Variants in CYYR1 observed in about 807,000 individuals in gnomAD.
CYYR1 encodes the protein cysteine and tyrosine rich 1, also known as cysteine and tyrosine-rich protein 1.
CYYR1 carries 14 observed loss-of-function variants against 15.2 expected under a neutral mutation model. That is an observed-to-expected ratio of 0.92 (90% CI 0.61 to 1.44). CYYR1 has a LOEUF of 1.44. CYYR1 is among the 40% of genes most tolerant of loss of function. CYYR1 has a pLI of 0.00. For missense variants in CYYR1, 228 were observed against 209.5 expected, an observed-to-expected ratio of 1.09 and a Z score of -0.54; for synonymous variants, 80 against 77.4, an observed-to-expected ratio of 1.03 and a Z score of -0.18.
At chr21:26,550,474 A>G (rs1979307250) in intron 2 of CYYR1, 1 of 152,248 alleles carries the variant, frequency 6.6e-6, no homozygotes, top group East Asian at 1.9e-4. Flanking sequence ...AGGCAAGTTG[A>G]AAGCTGAGAC....
At chr21:26,489,793 G>C (rs538287649) in intron 2 of CYYR1, among the ~76,000 whole-genome samples, 110 of 152,180 alleles carry the variant, frequency 7.2e-4, no homozygotes, top group African/African-American at 2.6e-3. Context: ...ATTTGGAAAA[G>C]CAGTATTGAC....
intron 2 of CYYR1, among the ~76,000 whole-genome samples, chr21:26,536,336 C>G (rs1978301410): frequency 6.6e-6 from 1 of 152,186 alleles, no homozygotes; most frequent in Non-Finnish European, 1.5e-5. Flanking sequence ...GCATTAAGCC[C>G]TGCTTTTCCA....
At position 26,572,917 on chromosome 21, in the gene CYYR1, CACGGG is replaced by C; in HGVS notation, c.19_23del (p.Pro7AlafsTer18). ...ACTTCGGAAGCAAGACCCCTGGACG[CACGGG>C]TAGCCTCGGAGCGTCCATCCAAGCC... On this transcript the variant is annotated frameshift_variant, in exon 1 of 4. Coordinates refer to ENST00000652641, the MANE Select transcript of CYYR1 (RefSeq NM_001320768.2). LOFTEE classifies it high-confidence loss of function. The C allele has an allele frequency of 6.2e-7, 1 of 1,614,052 alleles. No individual in the cohort carries two copies. Among genetic ancestry groups the C allele is most frequent in the Non-Finnish European group, 8.5e-7 (1 of 1,180,016 alleles).
intron 2 of CYYR1, among the ~76,000 whole-genome samples, chr21:26,499,580 A>G (rs1049954451): frequency 1.3e-5 from 2 of 152,206 alleles, no homozygotes; most frequent in Non-Finnish European, 2.9e-5. Context: ...TGAAAAGGAG[A>G]AAACCTGGTG....
intron 2 of CYYR1, among the ~76,000 whole-genome samples, chr21:26,539,859 T>C (rs182454760): frequency 1.3e-5 from 2 of 152,228 alleles, no homozygotes; most frequent in East Asian, 1.9e-4. Flanking sequence ...ACCTATGTTA[T>C]TTAACCAGAA....
chr21:26,494,934 T>C (rs1281030891), intron 2 of CYYR1, among the ~76,000 whole-genome samples: 1 of 152,082 alleles, frequency 6.6e-6, no homozygotes, highest in Admixed American at 6.6e-5. Flanking sequence ...GCCATCGGAG[T>C]GATGGTTCTT....
At chr21:26,489,936 A>G (rs919496905) in intron 2 of CYYR1, among the ~76,000 whole-genome samples, 2 of 152,134 alleles carry the variant, frequency 1.3e-5, no homozygotes, top group Non-Finnish European at 2.9e-5. Context: ...TGTTTGATTT[A>G]TCCCTCAGTC....
intron 2 of CYYR1, among the ~76,000 whole-genome samples, chr21:26,536,120 T>G (rs1601804478): frequency 6.6e-6 from 1 of 151,208 alleles, no homozygotes; most frequent in Non-Finnish European, 1.5e-5. Context: ...GATGGGGGAG[T>G]TGCTACGCAC....
intron 3 of CYYR1, among the ~76,000 whole-genome samples, chr21:26,478,817 A>G (rs2065135698): frequency 6.6e-6 from 1 of 152,028 alleles, no homozygotes; most frequent in South Asian, 2.1e-4. Flanking sequence ...AGTAGTCAAA[A>G]TACTGTATAT....
chr21:26,496,294 G>A (rs1003720451), intron 2 of CYYR1, among the ~76,000 whole-genome samples: 1 of 152,178 alleles, frequency 6.6e-6, no homozygotes, highest in Admixed American at 6.5e-5. Context: ...ATTGGGTTAG[G>A]AAGCCTAGGA....
rs1978454192 is a variant in CYYR1 at position 26,540,290 on chromosome 21, G to GCA, written c.176+25975_176+25976insTG. Reference sequence around the variant, plus strand: ...CATAAATTGGAAGTGAATCAAAACTGGGAAGAAGGAAATGGAACTGAGTAG... The same window carrying GCA: ...CATAAATTGGAAGTGAATCAAAACTGCAGGAAGAAGGAAATGGAACTGAGTAG... On this transcript the variant is annotated intron_variant, in intron 2 of 3. Coordinates refer to ENST00000652641, the MANE Select transcript of CYYR1 (RefSeq NM_001320768.2). 2.0e-5 allele frequency among the ~76,000 whole-genome samples: 3 copies of GCA among 152,148 alleles called. No individual in the cohort carries two copies. In the South Asian group the frequency reaches 6.2e-4, roughly 32 times the overall value.
chr21:26,523,538 C>G (rs2065827851), intron 2 of CYYR1, among the ~76,000 whole-genome samples: 1 of 152,192 alleles, frequency 6.6e-6, no homozygotes, highest in Non-Finnish European at 1.5e-5. Flanking sequence ...GTCATCTGAC[C>G]TATGTCAACT....
intron 2 of CYYR1, among the ~76,000 whole-genome samples, chr21:26,543,287 CAT>C (rs1214769850): frequency 6.6e-6 from 1 of 152,070 alleles, no homozygotes; most frequent in African/African-American, 2.4e-5. Flanking sequence ...CACCATGGCA[CAT>C]GTTTACCTAT....
At chr21:26,572,572 A>G (rs975318153) in intron 1 of CYYR1, among the ~76,000 whole-genome samples, 2 of 152,240 alleles carry the variant, frequency 1.3e-5, no homozygotes, top group Non-Finnish European at 2.9e-5. Context: ...TTATTTGGAT[A>G]TAGTTTACTC....
chr21:26,511,014 G>C (rs1253806961), intron 2 of CYYR1, among the ~76,000 whole-genome samples: 1 of 152,188 alleles, frequency 6.6e-6, no homozygotes, highest in Non-Finnish European at 1.5e-5. Flanking sequence ...CAAATTATCT[G>C]TTTCAATTCC....
At chr21:26,498,024 G>A (rs921612242) in intron 2 of CYYR1, among the ~76,000 whole-genome samples, 1 of 152,300 alleles carries the variant, frequency 6.6e-6, no homozygotes, top group South Asian at 2.1e-4. Context: ...TTTGATGTCA[G>A]CTTTCCAAGA....
intron 2 of CYYR1, among the ~76,000 whole-genome samples, chr21:26,489,077 A>G (rs765379923): frequency 3.9e-5 from 6 of 152,138 alleles, no homozygotes; most frequent in Non-Finnish European, 8.8e-5. Context: ...ACATACAGGT[A>G]CTCTGGGATC....
In CYYR1 at chr21:26,504,224, G is replaced by GTATTTATTTATTTATTTATT. The variant is rs59992346; in HGVS notation, c.177-23815_177-23796dup. Reference sequence around the variant, plus strand: ...ATTATTTTATTTTACTCTTTGTGATGTATTTATTTATTTATTTATTTATTT... The same window carrying GTATTTATTTATTTATTTATT: ...ATTATTTTATTTTACTCTTTGTGATGTATTTATTTATTTATTTATTTATTTATTTATTTATTTATTTATTT... On this transcript the variant is annotated intron_variant, in intron 2 of 3. Coordinates refer to ENST00000652641, the MANE Select transcript of CYYR1 (RefSeq NM_001320768.2). Among the ~76,000 whole-genome samples the GTATTTATTTATTTATTTATT allele has an allele frequency of 2.0e-3, 298 of 150,554 alleles. 1 individual carries two copies. The highest frequency in any genetic ancestry group is 6.9e-3 in the African/African-American group (282 of 41,014).
intron 2 of CYYR1, among the ~76,000 whole-genome samples, chr21:26,498,668 A>G (rs931398629): frequency 3.3e-5 from 5 of 152,220 alleles, no homozygotes; most frequent in African/African-American, 1.2e-4. Context: ...CTATATGGAC[A>G]TATCCAAGAC....
Sources: allele counts gnomAD v4.1 joint callset (sites outside exome capture counted in the v4.1 genomes callset), GRCh38; gene constraint gnomAD v4.1.1; transcripts MANE v1.5; gene names NCBI Gene and HGNC (gene_info 2026-07-23, HGNC 2026-07-21).